The following RAP1GAP2 variants were observed in gnomAD, a reference collection of about 807,000 sequenced individuals.
The protein encoded by RAP1GAP2 is RAP1 GTPase activating protein 2.
Under a neutral mutation model 95.0 loss-of-function variants are expected in RAP1GAP2, and 27 were observed. The ratio of observed to expected loss-of-function variants is 0.28; its 90% CI spans 0.21 to 0.39. RAP1GAP2 has a LOEUF of 0.39. Among genes scored for constraint, RAP1GAP2 ranks in the 10% least tolerant of loss-of-function variants. The probability of loss-of-function intolerance (pLI) is 1.00; values close to 1 mark genes in which losing one functional copy is unlikely to be tolerated. For missense variants in RAP1GAP2, 771 were observed against 970.0 expected, an observed-to-expected ratio of 0.79 and a Z score of 2.72; for synonymous variants, 373 against 380.9, an observed-to-expected ratio of 0.98 and a Z score of 0.24.
At chr17:2,932,861 A>AG (rs1484843562) in intron 3 of RAP1GAP2, among the ~76,000 whole-genome samples, 1 of 142,664 alleles carries the variant, frequency 7.0e-6, no homozygotes, top group Non-Finnish European at 1.5e-5. Flanking sequence ...GACCACGGGC[A>AG]GGGTATGGGT....
In RAP1GAP2 at chr17:2,857,178, C is replaced by T. The variant is rs555879677; in HGVS notation, c.81-48106C>T. Among the ~76,000 whole-genome samples the T allele has an allele frequency of 6.6e-6, 1 of 152,212 alleles. No homozygotes were observed. Among genetic ancestry groups the T allele is most frequent in the Non-Finnish European group, 1.5e-5 (1 of 68,040 alleles). On this transcript the variant is annotated intron_variant, in intron 2 of 24. Transcript: ENST00000254695. This position sits in a 1 kb window ranked among gnomAD's most constrained non-coding sequence, Gnocchi z 4.0. ...CTCCCAGAAGGCTTGATCCATCCAT[C>T]GATCTTCCCAGCACCTGTAATTGAC...
intron 17 of RAP1GAP2, among the ~76,000 whole-genome samples, chr17:3,014,851 C>G (rs1430188127): frequency 6.6e-6 from 1 of 152,192 alleles, no homozygotes. Context: ...GCCATCGCCC[C>G]TGGCCGAGAT....
At chr17:2,854,736 G>C (rs548877004) in intron 2 of RAP1GAP2, among the ~76,000 whole-genome samples, 1 of 152,220 alleles carries the variant, frequency 6.6e-6, no homozygotes, top group South Asian at 2.1e-4. Flanking sequence ...TTTGGAGTAG[G>C]CAAAGGAGGT....
At chr17:2,836,326 G>A (rs1027607224) in intron 2 of RAP1GAP2, among the ~76,000 whole-genome samples, 1 of 151,934 alleles carries the variant, frequency 6.6e-6, no homozygotes, top group African/African-American at 2.4e-5. Context: ...TTTTGTAATT[G>A]GTAAGTTTAA....
In RAP1GAP2 at chr17:3,035,874, G is replaced by T. The variant is rs2047454595; in HGVS notation, c.*2513G>T. On this transcript the variant is annotated 3_prime_UTR_variant, in exon 25 of 25. Coordinates refer to ENST00000254695, the MANE Select transcript of RAP1GAP2 (RefSeq NM_015085.5). The surrounding 1 kb of genome is among the most constrained non-coding windows in gnomAD (Gnocchi z 4.3). ...CTTTTATGCTGCGCCCAGTCTTGGG[G>T]CTCAAAGATTTGCCCAAACCTCATT... is the stretch of plus-strand genomic sequence containing the variant. 6.6e-6 allele frequency: 1 copy of T among 152,214 alleles called. No individual in the cohort carries two copies. The highest frequency in any genetic ancestry group is 1.5e-5 in the Non-Finnish European group (1 of 68,054). The allele number at this position is 152,214 out of a possible 1,614,324, so 9.4% of individuals were successfully genotyped here.
At chr17:2,892,764 G>A (rs1187339746) in intron 2 of RAP1GAP2, among the ~76,000 whole-genome samples, 3 of 152,126 alleles carry the variant, frequency 2.0e-5, no homozygotes, top group Non-Finnish European at 4.4e-5. Flanking sequence ...TGTTACGTCT[G>A]TCTCATTCTG....
Position 2,797,666 on chromosome 17 carries a change from T to C in RAP1GAP2, c.44+1095T>C. ...CATCCATCCTCTGGCAGGGGGGGAC[T>C]GTGGGCACTCCATGTTTGGCAGATG... On this transcript the variant is annotated intron_variant, in intron 1 of 24. Transcript: ENST00000254695. This position sits in a 1 kb window ranked among gnomAD's most constrained non-coding sequence, Gnocchi z 5.6. 1 of 983,892 alleles carries C rather than the reference T, an allele frequency of 1.0e-6. No individual in the cohort carries two copies. Among genetic ancestry groups the C allele is most frequent in the Non-Finnish European group, 1.2e-6 (1 of 828,604 alleles). The allele number at this position is 983,892 out of a possible 1,614,324, so 60.9% of individuals were successfully genotyped here. A position where few individuals can be genotyped will look rare whatever the true frequency, so the allele number is the denominator to read the frequency against.
At position 2,888,744 on chromosome 17, in the gene RAP1GAP2, C is replaced by T. The variant is rs541353565; in HGVS notation, c.81-16540C>T. On this transcript the variant is annotated intron_variant, in intron 2 of 24. Transcript: ENST00000254695. ...TCAGCTTGCTGCAACCTCCGCCTCC[C>T]GGGTTCAAGTGATTCTCCGGCCTCA... 6.6e-5 allele frequency among the ~76,000 whole-genome samples: 10 copies of T among 150,910 alleles called. 1 individual carries two copies. The South Asian group carries it at 1.5e-3, about 22-fold the overall frequency.
At chr17:2,914,456 C>T (rs1013234558) in intron 3 of RAP1GAP2, among the ~76,000 whole-genome samples, 1 of 151,998 alleles carries the variant, frequency 6.6e-6, no homozygotes, top group African/African-American at 2.4e-5. Flanking sequence ...TTCTTGTAGG[C>T]GTTCTTTACA....
intron 12 of RAP1GAP2, among the ~76,000 whole-genome samples, chr17:2,993,054 C>CA (rs1157432511): frequency 0.27 from 27,370 of 103,002 alleles, 4,812 homozygotes; most frequent in African/African-American, 0.54. Context: ...ACTAAAAATA[C>CA]AAAAAAAAAA....
At chr17:2,975,897 G>A (rs768254350) in intron 8 of RAP1GAP2, among the ~76,000 whole-genome samples, 7 of 152,256 alleles carry the variant, frequency 4.6e-5, no homozygotes, top group African/African-American at 1.4e-4. Flanking sequence ...GTTTGCTTTT[G>A]AATTTGTTCA....
intron 2 of RAP1GAP2, among the ~76,000 whole-genome samples, chr17:2,814,066 T>G (rs2069893461): frequency 6.6e-6 from 1 of 152,128 alleles, no homozygotes; most frequent in Admixed American, 6.6e-5. Context: ...AAACTACTGT[T>G]CTAGGCCTAG....
chr17:2,813,105 C>G (rs1202797690), intron 2 of RAP1GAP2, among the ~76,000 whole-genome samples: 2 of 150,938 alleles, frequency 1.3e-5, no homozygotes, highest in African/African-American at 2.4e-5. Context: ...GGAGTCTCGC[C>G]CTGTCGCCCA....
At chr17:2,835,595 G>T (rs186053437) in intron 2 of RAP1GAP2, among the ~76,000 whole-genome samples, 125 of 152,318 alleles carry the variant, frequency 8.2e-4, no homozygotes, top group Middle Eastern at 6.8e-3. Flanking sequence ...GCTGGGTGTG[G>T]TGAACTGTAC....
At chr17:2,807,349 A>G (rs2069567855) in intron 2 of RAP1GAP2, among the ~76,000 whole-genome samples, 1 of 152,074 alleles carries the variant, frequency 6.6e-6, no homozygotes, top group African/African-American at 2.4e-5. Flanking sequence ...TCTGGGGCCA[A>G]CTCATCTTAG....
intron 2 of RAP1GAP2, among the ~76,000 whole-genome samples, chr17:2,812,592 C>T (rs561788213): frequency 6.0e-5 from 9 of 149,312 alleles, no homozygotes; most frequent in African/African-American, 2.2e-4. Flanking sequence ...GGGGGGCTGT[C>T]TTTGGGTCAC....
At chr17:3,015,446 G>A (rs1200739987) in intron 17 of RAP1GAP2, among the ~76,000 whole-genome samples, 1 of 152,136 alleles carries the variant, frequency 6.6e-6, no homozygotes, top group Non-Finnish European at 1.5e-5. Flanking sequence ...AGAGAGCCCA[G>A]GGAGACCTGT....
chr17:2,991,250 A>G lies in RAP1GAP2; in HGVS notation c.814-47A>G, dbSNP rs779417657. The G allele has an allele frequency of 1.0e-5, 15 of 1,439,152 alleles. 1 individual carries two copies. In the Admixed American group the frequency reaches 2.9e-4, roughly 28 times the overall value. 89.1% of individuals were successfully genotyped at this position (1,439,152 alleles called of 1,614,324 possible). A position where few individuals can be genotyped will look rare whatever the true frequency, so the allele number is the denominator to read the frequency against. The stretch of plus-strand genomic sequence containing the variant: ...CATCCATATTCCTTCCTTTAGCATC[A>G]GAAAGAATTTTTCTAATTCCTGCCC... On this transcript the variant is annotated intron_variant, in intron 11 of 24. Coordinates refer to ENST00000254695, the MANE Select transcript of RAP1GAP2 (RefSeq NM_015085.5).
intron 1 of RAP1GAP2, among the ~76,000 whole-genome samples, chr17:2,782,672 C>T (rs1255965809): frequency 1.3e-5 from 2 of 152,188 alleles, no homozygotes; most frequent in Admixed American, 6.5e-5. Flanking sequence ...CTCATTTACT[C>T]CTCAGAACAA....
Sources: allele counts gnomAD v4.1 joint callset (sites outside exome capture counted in the v4.1 genomes callset), GRCh38; gene constraint gnomAD v4.1.1; non-coding constraint Gnocchi (gnomAD v3.1); transcripts MANE v1.5; gene names NCBI Gene and HGNC (gene_info 2026-07-23, HGNC 2026-07-21).